RNF175: variants seen among roughly 807,000 people sequenced by gnomAD.
The protein encoded by RNF175 is ring finger protein 175.
In RNF175, 38 loss-of-function variants were observed where a neutral mutation model predicts 50.0. The observed-to-expected ratio is 0.76, with a 90% CI of 0.59 to 1.00. The LOEUF (loss-of-function observed/expected upper bound fraction) is 1.00. RNF175 is among the 50% of genes least tolerant of loss of function. The pLI, the probability that RNF175 is intolerant of heterozygous loss-of-function variation, is 0.00. For missense variants in RNF175, 388 were observed against 409.6 expected, an observed-to-expected ratio of 0.95 and a Z score of 0.46; for synonymous variants, 155 against 146.1, an observed-to-expected ratio of 1.06 and a Z score of -0.44.
Position 153,720,215 on chromosome 4 carries a change from A to G in RNF175, c.599T>C (p.Ile200Thr), listed in dbSNP as rs752880137. The change falls in exon 6 of 9, where the codon ATC (isoleucine) becomes ACC (threonine). Residue 200 changes from isoleucine to threonine, a missense_variant. Transcript: ENST00000347063. ...YGVMGRDFAE[I>T]CSDYMASTIG... is the part of the protein sequence containing the mutation. ...AGTGGAAGCCATGTAGTCTGAGCAG[A>G]TCTCGGCAAAGTCTCTCCCCATTAC... 6.2e-7 allele frequency: 1 copy of G among 1,613,850 alleles called. No individual in the cohort carries two copies. Among genetic ancestry groups the G allele is most frequent in the Non-Finnish European group, 8.5e-7 (1 of 1,179,760 alleles).
rs750468935 is a variant in RNF175, at chr4:153,759,816, G to A, written c.47C>T (p.Ala16Val). ...AARKAAPVLE[A>V]PPQQEQLSHT... ...CAGTACCTGCTCCTGCTGCGGGGGG[G>A]CCTCCAGCACCGGCGCTGCCTTCCG... The change falls in exon 1 of 9, where the codon GCC (alanine) becomes GTC (valine). Residue 16 changes from alanine to valine, a missense_variant. By Grantham distance (64) the Ala-to-Val change is moderately conservative. Transcript: ENST00000347063. The A allele has an allele frequency of 4.7e-6, 7 of 1,475,530 alleles. No individual in the cohort carries two copies. The highest frequency in any genetic ancestry group is 3.9e-5 in the South Asian group (3 of 76,962). 91.4% of individuals were successfully genotyped at this position (1,475,530 alleles called of 1,614,324 possible). A position where few individuals can be genotyped will look rare whatever the true frequency, so the allele number is the denominator to read the frequency against.
chr4:153,710,423 T>C lies in RNF175; in HGVS notation c.933A>G (p.Gln311=). 1.3e-6 allele frequency: 2 copies of C among 1,586,666 alleles called. No individual in the cohort carries two copies. The highest frequency in any genetic ancestry group is 1.7e-4 in the Middle Eastern group (1 of 6,048). ...CTTGAACTATTCCTATCACCACAGG[T>C]TGCCAGGCCACCAAATAACGAAGCC... ...LDWLRYLVAW[Q]PVVIGIVQGI... is the part of the protein sequence containing the mutation. Residue 311 remains glutamine (Q), a synonymous_variant, in exon 9 of 9, where the codon CAA becomes CAG. Coordinates refer to ENST00000347063, the MANE Select transcript of RNF175 (RefSeq NM_173662.4).
intron 6 of RNF175, among the ~76,000 whole-genome samples, chr4:153,717,183 G>T (rs1055127972): frequency 6.6e-6 from 1 of 152,014 alleles, no homozygotes; most frequent in African/African-American, 2.4e-5. Flanking sequence ...TTACTATTTT[G>T]TTGCTCAAAT....
chr4:153,753,897 GTGGTGGCTCA>G (rs1186512750), intron 1 of RNF175, among the ~76,000 whole-genome samples: 2 of 151,490 alleles, frequency 1.3e-5, no homozygotes, highest in African/African-American at 4.8e-5. Context: ...GAGGCTGGGC[GTGGTGGCTCA>G]CACCTGTAAT....
intron 3 of RNF175, among the ~76,000 whole-genome samples, chr4:153,747,828 T>C (rs1033335391): frequency 1.3e-5 from 2 of 152,252 alleles, no homozygotes; most frequent in Admixed American, 1.3e-4. Context: ...ATTTTCTTTC[T>C]TAGTCTGTTT....
At chr4:153,723,565 T>C (rs1251701128) in intron 4 of RNF175, 107 bp from the exon 5 acceptor site, 3 of 626,096 alleles carry the variant, frequency 4.8e-6, no homozygotes, top group Non-Finnish European at 5.8e-6. Flanking sequence ...GACTTATAAA[T>C]CAGTTTTTAG....
At chr4:153,748,186 T>G (rs1284612626) in intron 3 of RNF175, among the ~76,000 whole-genome samples, 1 of 152,242 alleles carries the variant, frequency 6.6e-6, no homozygotes, top group Non-Finnish European at 1.5e-5. Context: ...GGGGATACAT[T>G]CAAACCATAG....
chr4:153,729,164 A>G (rs912378665), intron 3 of RNF175, among the ~76,000 whole-genome samples: 2 of 152,228 alleles, frequency 1.3e-5, no homozygotes, highest in Non-Finnish European at 2.9e-5. Flanking sequence ...AGCTTTAATC[A>G]ATAGCAATAT....
In RNF175 at chr4:153,712,572, GA is replaced by G. The variant is rs748534464; in HGVS notation, c.768del (p.His257MetfsTer26). Reference protein sequence around the residue: ...NTYQLSCNHVFHEFCIRGWCI... With the variant: ...NTYQLSCNHVXHEFCIRGWCI... The stretch of plus-strand genomic sequence containing the variant: ...CACCAACCTCGGATGCAGAATTCAT[GA>G]AAGCTGAAGCATCTTGTTAGGGAGG... On this transcript the variant is annotated frameshift_variant, in exon 8 of 9. Transcript: ENST00000347063. LOFTEE classifies it high-confidence loss of function. 5.9e-4 allele frequency: 951 copies of G among 1,607,608 alleles called. 4 individuals are homozygous for G. Among genetic ancestry groups the G allele is most frequent in the Middle Eastern group, 1.7e-3 (10 of 6,052 alleles).
intron 3 of RNF175, among the ~76,000 whole-genome samples, chr4:153,745,475 G>A (rs144930445): frequency 1.3e-5 from 2 of 152,310 alleles, no homozygotes; most frequent in Non-Finnish European, 2.9e-5. Context: ...CTGTGAAAAC[G>A]AAATCTTGCT....
chr4:153,742,347 GA>G (rs887329491), intron 3 of RNF175, among the ~76,000 whole-genome samples: 1 of 148,848 alleles, frequency 6.7e-6, no homozygotes, highest in Non-Finnish European at 1.5e-5. Flanking sequence ...GTACTGCTTT[GA>G]AAAAAAACAA....
chr4:153,736,729 G>A (rs1182954875), intron 3 of RNF175, among the ~76,000 whole-genome samples: 1 of 152,118 alleles, frequency 6.6e-6, no homozygotes, highest in South Asian at 2.1e-4. Flanking sequence ...CTCCTTGTGC[G>A]AGTTTTGGTA....
At chr4:153,756,978 C>T (rs1740597788) in intron 1 of RNF175, among the ~76,000 whole-genome samples, 1 of 152,124 alleles carries the variant, frequency 6.6e-6, no homozygotes, top group Non-Finnish European at 1.5e-5. Flanking sequence ...GTAGACTGAT[C>T]CTATTGTCTT....
At chr4:153,725,309 G>A (rs190717806) in intron 4 of RNF175, among the ~76,000 whole-genome samples, 1 of 152,164 alleles carries the variant, frequency 6.6e-6, no homozygotes. Flanking sequence ...GAGCAGTTTA[G>A]ATCATTGCTC....
At chr4:153,725,429 C>T (rs1234678720) in intron 4 of RNF175, among the ~76,000 whole-genome samples, 1 of 152,176 alleles carries the variant, frequency 6.6e-6, no homozygotes, top group South Asian at 2.1e-4. Context: ...CCTGCCAGTA[C>T]CAGAATATGG....
intron 3 of RNF175, among the ~76,000 whole-genome samples, chr4:153,747,869 G>T (rs1354030742): frequency 6.6e-6 from 1 of 152,172 alleles, no homozygotes; most frequent in Non-Finnish European, 1.5e-5. Context: ...CCACAGACTG[G>T]GTAATAAATA....
At chr4:153,724,396 A>G (rs189323017) in intron 4 of RNF175, among the ~76,000 whole-genome samples, 4 of 152,348 alleles carry the variant, frequency 2.6e-5, no homozygotes, top group Admixed American at 2.6e-4. Context: ...TTGTTGCTCA[A>G]AGAAAATGAA....
At chr4:153,726,072 TA>T in intron 4 of RNF175, among the ~76,000 whole-genome samples, 1 of 132,508 alleles carries the variant, frequency 7.5e-6, no homozygotes, top group East Asian at 2.3e-4. Flanking sequence ...CTAGTGTGTG[TA>T]TGTGTGTGTG....
chr4:153,740,204 CT>C (rs1258308753), intron 3 of RNF175, among the ~76,000 whole-genome samples: 1 of 151,432 alleles, frequency 6.6e-6, no homozygotes, highest in Non-Finnish European at 1.5e-5. Flanking sequence ...TTAAAAGGTT[CT>C]TTGTAAGTTT....
Sources: allele counts gnomAD v4.1 joint callset (sites outside exome capture counted in the v4.1 genomes callset), GRCh38; gene constraint gnomAD v4.1.1; transcripts MANE v1.5; gene names NCBI Gene and HGNC (gene_info 2026-07-23, HGNC 2026-07-21).